Variants in WDR59 observed in about 807,000 individuals in gnomAD.
WDR59 encodes the protein GATOR2 complex protein WDR59.
WDR59 carries 100 observed loss-of-function variants against 131.2 expected under a neutral mutation model. The ratio of observed to expected loss-of-function variants is 0.76; its 90% CI spans 0.65 to 0.90. The LOEUF (loss-of-function observed/expected upper bound fraction) is 0.90. Ranked by LOEUF, WDR59 falls within the 40% of genes least tolerant of loss-of-function variation. The pLI, the probability that WDR59 is intolerant of heterozygous loss-of-function variation, is 0.00. For synonymous variants in WDR59, 601 were observed against 466.2 expected (o/e 1.29, Z -3.72); for missense variants, 1,203 against 1,262.2 (o/e 0.95, Z 0.71).
chr16:74,924,809 T>C (rs1035294654), intron 8 of WDR59, among the ~76,000 whole-genome samples: 1 of 152,138 alleles, frequency 6.6e-6, no homozygotes, highest in South Asian at 2.1e-4. Context: ...TTAATAGAGA[T>C]GGGATCTTGC....
intron 1 of WDR59, among the ~76,000 whole-genome samples, chr16:74,968,817 C>T (rs2033873828): frequency 6.6e-6 from 1 of 152,086 alleles, no homozygotes; most frequent in Admixed American, 6.6e-5. Flanking sequence ...AAACTACCAC[C>T]ACAACACCAC....
chr16:74,925,655 A>G (rs993782109), intron 8 of WDR59, among the ~76,000 whole-genome samples: 4 of 152,140 alleles, frequency 2.6e-5, no homozygotes, highest in African/African-American at 4.8e-5. Context: ...AAGGAATAAC[A>G]CGAGGTAGCT....
chr16:74,983,454 T>C lies in WDR59; in HGVS notation c.54+1510A>G, dbSNP rs114516181. 4.2e-3 allele frequency among the ~76,000 whole-genome samples: 634 copies of C among 151,926 alleles called. 2 individuals carry two copies. The highest frequency in any genetic ancestry group is 0.015 in the African/African-American group (611 of 41,424). ...TGCCACTACACTACAGTCTGGGTCA[T>C]AGAGTGAGACTCTGTCTCAAAAAAA... On this transcript the variant is annotated intron_variant, in intron 1 of 25. Transcript: ENST00000262144.
At chr16:74,947,175 G>A (rs2032699353) in intron 6 of WDR59, among the ~76,000 whole-genome samples, 3 of 152,290 alleles carry the variant, frequency 2.0e-5, no homozygotes, top group South Asian at 2.1e-4. Flanking sequence ...TGGGCCAGTC[G>A]CGATGGCTCA....
At chr16:74,927,268 T>G (rs530671912) in intron 8 of WDR59, among the ~76,000 whole-genome samples, 4 of 152,198 alleles carry the variant, frequency 2.6e-5, no homozygotes, top group African/African-American at 9.6e-5. Context: ...ATCAAGTAGC[T>G]AAACATAAAA....
chr16:74,985,045 G>A lies in WDR59; in HGVS notation c.-28C>T. 2 of 1,555,414 alleles carry A rather than the reference G, an allele frequency of 1.3e-6. No homozygotes were observed. Among genetic ancestry groups the A allele is most frequent in the Non-Finnish European group, 8.7e-7 (1 of 1,148,758 alleles). ...CCCCCGCCCGGCCGCCGCGGCCCCA[G>A]GACGGCGCCCTCCCACCCCGCCGTC... is the stretch of plus-strand genomic sequence containing the variant. On this transcript the variant is annotated 5_prime_UTR_variant, in exon 1 of 26. Coordinates refer to ENST00000262144, the MANE Select transcript of WDR59 (RefSeq NM_030581.4).
At chr16:74,885,006 T>G (rs534462444) in intron 25 of WDR59, among the ~76,000 whole-genome samples, 1 of 152,224 alleles carries the variant, frequency 6.6e-6, no homozygotes, top group Non-Finnish European at 1.5e-5. Flanking sequence ...TTACTTAATT[T>G]TCCCCCCTAC....
intron 17 of WDR59, among the ~76,000 whole-genome samples, chr16:74,907,830 T>C (rs573606214): frequency 6.6e-6 from 1 of 152,312 alleles, no homozygotes; most frequent in East Asian, 1.9e-4. Context: ...AGGGACTTAA[T>C]CTTCCCAGCA....
chr16:74,927,072 G>A (rs1344107118), intron 8 of WDR59, among the ~76,000 whole-genome samples: 1 of 152,302 alleles, frequency 6.6e-6, no homozygotes, highest in East Asian at 1.9e-4. Flanking sequence ...CAGCCTGCCT[G>A]AGGGCTGGAT....
intron 6 of WDR59, among the ~76,000 whole-genome samples, chr16:74,945,413 C>T (rs1333745828): frequency 6.6e-6 from 1 of 151,218 alleles, no homozygotes; most frequent in Non-Finnish European, 1.5e-5. Flanking sequence ...GGAGGCAGAG[C>T]TTGCGGTGAG....
chr16:74,938,162 G>A lies in WDR59; in HGVS notation c.639C>T (p.Asp213=), dbSNP rs150711393. 7.7e-6 allele frequency: 12 copies of A among 1,559,498 alleles called. No individual in the cohort carries two copies. The highest frequency in any genetic ancestry group is 9.5e-6 in the Non-Finnish European group (11 of 1,153,896). Residue 213 remains aspartate, a synonymous_variant, in exon 8 of 26, where the codon GAC becomes GAT. Transcript: ENST00000262144. ...GGGTGCCACTGACCTTCACAGAATT[G>A]TCTTGACTGGAGGTAGCAAGAATGT... The part of the protein sequence containing the change: ...SEHILATSSQ[D]NSVKFWDYRQ...
At chr16:74,969,461 C>T (rs184160084) in intron 1 of WDR59, among the ~76,000 whole-genome samples, 2 of 151,888 alleles carry the variant, frequency 1.3e-5, no homozygotes, top group African/African-American at 2.4e-5. Flanking sequence ...TTAGTAGAGA[C>T]GGGGTTTCAC....
At chr16:74,926,060 T>A (rs796427654) in intron 8 of WDR59, among the ~76,000 whole-genome samples, 14 of 13,020 alleles carry the variant, frequency 1.1e-3, no homozygotes, top group South Asian at 6.3e-3. Context: ...GTCTAATAAA[T>A]TTTTTTTTTT....
At chr16:74,879,146 A>G (rs986795660) in intron 25 of WDR59, among the ~76,000 whole-genome samples, 23 of 152,086 alleles carry the variant, frequency 1.5e-4, no homozygotes, top group African/African-American at 5.6e-4. Flanking sequence ...TGAGCCCAGG[A>G]GTTGGAGACC....
chr16:74,916,636 A>G (rs2144970759), intron 11 of WDR59, among the ~76,000 whole-genome samples: 1 of 152,288 alleles, frequency 6.6e-6, no homozygotes, highest in East Asian at 1.9e-4. Flanking sequence ...AGGCAGGTGG[A>G]TCACCTGAGG....
intron 8 of WDR59, 23 bp from the exon 9 acceptor site, chr16:74,924,026 AT>A (rs2030528830): frequency 6.2e-7 from 1 of 1,608,390 alleles, no homozygotes; most frequent in Non-Finnish European, 8.5e-7. Flanking sequence ...AAGCAAGATC[AT>A]TTGTGAAATA....
intron 8 of WDR59, among the ~76,000 whole-genome samples, chr16:74,924,559 G>A (rs138916541): frequency 1.1e-3 from 162 of 152,290 alleles, no homozygotes; most frequent in African/African-American, 3.8e-3. Flanking sequence ...CACACCTGCT[G>A]TCATCCTCCA....
chr16:74,933,832 G>A (rs1156461495), intron 8 of WDR59, among the ~76,000 whole-genome samples: 2 of 152,160 alleles, frequency 1.3e-5, no homozygotes, highest in Non-Finnish European at 2.9e-5. Context: ...CGATCCACCC[G>A]CCTCGGCCTC....
intron 25 of WDR59, among the ~76,000 whole-genome samples, chr16:74,874,835 C>T (rs374827713): frequency 3.3e-5 from 5 of 152,220 alleles, no homozygotes; most frequent in African/African-American, 9.7e-5. Context: ...AGGTGATCCA[C>T]CTGCCTTGGC....
Sources: allele counts gnomAD v4.1 joint callset (sites outside exome capture counted in the v4.1 genomes callset), GRCh38; gene constraint gnomAD v4.1.1; transcripts MANE v1.5; gene names NCBI Gene and HGNC (gene_info 2026-07-23, HGNC 2026-07-21).